Variants in EPSTI1 observed in about 807,000 individuals in gnomAD.
The protein encoded by EPSTI1 is epithelial-stromal interaction protein 1.
EPSTI1 carries 66 observed loss-of-function variants against 49.9 expected under a neutral mutation model. The observed-to-expected ratio is 1.32, with a 90% CI of 1.08 to 1.62. EPSTI1 has a LOEUF of 1.62. Among genes scored for constraint, EPSTI1 ranks in the 40% most tolerant of loss-of-function variants. The pLI, the probability that EPSTI1 is intolerant of heterozygous loss-of-function variation, is 0.00. For missense variants in EPSTI1, 394 were observed against 365.5 expected, an observed-to-expected ratio of 1.08 and a Z score of -0.64; for synonymous variants, 137 against 130.7, an observed-to-expected ratio of 1.05 and a Z score of -0.33.
At position 42,924,281 on chromosome 13, in the gene EPSTI1, C is replaced by A. The variant is rs557270468; in HGVS notation, c.657+2055G>T. ...GCTATTGCGTGGAGTTTATAAGGAACCGTCCTGGGTCCAATCTCCCTCCAT... is the reference window on the plus strand; with the variant it reads ...GCTATTGCGTGGAGTTTATAAGGAAACGTCCTGGGTCCAATCTCCCTCCAT... On this transcript the variant is annotated intron_variant, in intron 7 of 10. Coordinates refer to ENST00000313624, the MANE Select transcript of EPSTI1 (RefSeq NM_033255.5). Among the ~76,000 whole-genome samples, 18 of 152,298 alleles carry A rather than the reference C, an allele frequency of 1.2e-4. No individual in the cohort carries two copies. The East Asian group carries it at 3.5e-3, about 29-fold the overall frequency.
In EPSTI1 at chr13:42,963,239, TCCTC is replaced by T; in HGVS notation, c.489+12_489+15del. ...TTGTTGATCAGCAAATGTGAACTAA[TCCTC>T]CTCCTCCTTACCTTCTCTCTCTGAA... On this transcript the variant is annotated intron_variant, in intron 5 of 10. Coordinates refer to ENST00000313624, the MANE Select transcript of EPSTI1 (RefSeq NM_033255.5). 1 of 1,596,354 alleles carries T rather than the reference TCCTC, an allele frequency of 6.3e-7. No individual in the cohort carries two copies. Among genetic ancestry groups the T allele is most frequent in the Non-Finnish European group, 8.6e-7 (1 of 1,165,634 alleles).
chr13:42,985,919 A>G (rs149175235), intron 1 of EPSTI1, among the ~76,000 whole-genome samples: 22 of 152,302 alleles, frequency 1.4e-4, no homozygotes, highest in African/African-American at 4.6e-4. Flanking sequence ...CCCAGAACCC[A>G]TGGAAGAAAC....
At chr13:42,912,909 G>A (rs2037727563) in intron 8 of EPSTI1, among the ~76,000 whole-genome samples, 1 of 151,972 alleles carries the variant, frequency 6.6e-6, no homozygotes, top group South Asian at 2.1e-4. Flanking sequence ...AAGTCCATTT[G>A]ATAGATGTCC....
Position 42,990,827 on chromosome 13 carries a change from G to A in EPSTI1, c.188+1151C>T, listed in dbSNP as rs368520646. 2.8e-4 allele frequency among the ~76,000 whole-genome samples: 43 copies of A among 152,240 alleles called. 1 individual carries two copies. Among genetic ancestry groups the A allele is most frequent in the African/African-American group, 9.4e-4 (39 of 41,544 alleles). On this transcript the variant is annotated intron_variant, in intron 1 of 10. Coordinates refer to ENST00000313624, the MANE Select transcript of EPSTI1 (RefSeq NM_033255.5). ...GTTTGTCTTTCAGAGACTAGAAGTC[G>A]ATGAAAAAGGAGAGACTAAAAATAA... is the stretch of plus-strand genomic sequence containing the variant.
At chr13:42,941,511 G>A (rs868320071) in intron 6 of EPSTI1, among the ~76,000 whole-genome samples, 9 of 151,432 alleles carry the variant, frequency 5.9e-5, no homozygotes, top group Non-Finnish European at 1.2e-4. Context: ...GTCCCCCTAC[G>A]TGGGAGGCTG....
At position 42,895,107 on chromosome 13, in the gene EPSTI1, C is replaced by T. The variant is rs202033075; in HGVS notation, c.817G>A (p.Val273Ile). The stretch of plus-strand genomic sequence containing the variant: ...AGTCGGTCCAGAAAAGCATTATTTA[C>T]CCTTTAAAACAATGAAAAATGTGTG... ...AKIHQTEHRR[V>I]NNAFLDRLQG... The change falls in exon 10 of 11, where the codon GTA (valine) becomes ATA (isoleucine). Residue 273 changes from valine (V) to isoleucine (I), a missense_variant and splice_region_variant. Val to Ile is a conservative substitution (Grantham distance 29, BLOSUM62 3). Coordinates refer to ENST00000313624, the MANE Select transcript of EPSTI1 (RefSeq NM_033255.5). 117 of 1,607,120 alleles carry T rather than the reference C, an allele frequency of 7.3e-5. No homozygotes were observed. The highest frequency in any genetic ancestry group is 1.7e-4 in the Admixed American group (10 of 58,780).
intron 7 of EPSTI1, chr13:42,919,205 T>C: frequency 1.8e-6 from 2 of 1,115,302 alleles, no homozygotes; most frequent in Non-Finnish European, 2.7e-6. Context: ...TATTATTAAA[T>C]AAGGTGCCTT....
intron 6 of EPSTI1, among the ~76,000 whole-genome samples, chr13:42,951,974 T>A (rs1157868367): frequency 6.6e-6 from 1 of 152,216 alleles, no homozygotes; most frequent in African/African-American, 2.4e-5. Context: ...ACTCCGTAGC[T>A]AGGATTGTAA....
intron 1 of EPSTI1, among the ~76,000 whole-genome samples, chr13:42,984,400 T>G (rs767101415): frequency 6.6e-6 from 1 of 152,218 alleles, no homozygotes; most frequent in East Asian, 1.9e-4. Flanking sequence ...AGTTCTAATA[T>G]GCTCTAATAA....
chr13:42,938,550 TCTC>T, intron 6 of EPSTI1, among the ~76,000 whole-genome samples: 1 of 152,180 alleles, frequency 6.6e-6, no homozygotes, highest in East Asian at 1.9e-4. Context: ...GGTATTGACT[TCTC>T]CTGTCTAGCT....
intron 10 of EPSTI1, among the ~76,000 whole-genome samples, chr13:42,894,692 AAC>A (rs1313428098): frequency 7.5e-5 from 8 of 106,926 alleles, no homozygotes; most frequent in Non-Finnish European, 1.2e-4. Flanking sequence ...AAAAAAAAAA[AAC>A]GTTCATTTGT....
In EPSTI1 at chr13:42,922,719, T is replaced by C. The variant is rs762512505; in HGVS notation, c.657+3617A>G. ...GCAAAGGGACACATGTTAAGTACTT[T>C]ATTTGACTTCTTAATGAATGAGCAT... On this transcript the variant is annotated intron_variant, in intron 7 of 10. Coordinates refer to ENST00000313624, the MANE Select transcript of EPSTI1 (RefSeq NM_033255.5). The surrounding 1 kb of genome is among the most constrained non-coding windows in gnomAD (Gnocchi z 4.8). 6.6e-6 allele frequency among the ~76,000 whole-genome samples: 1 copy of C among 152,094 alleles called. No individual in the cohort carries two copies. Among genetic ancestry groups the C allele is most frequent in the Non-Finnish European group, 1.5e-5 (1 of 68,014 alleles).
At chr13:42,915,667 G>A (rs1053320758) in intron 8 of EPSTI1, among the ~76,000 whole-genome samples, 2 of 152,210 alleles carry the variant, frequency 1.3e-5, no homozygotes, top group East Asian at 3.9e-4. Flanking sequence ...CCCTAAGGAT[G>A]GAATTATTTG....
chr13:42,976,269 G>T (rs376682694), intron 1 of EPSTI1, among the ~76,000 whole-genome samples: 11 of 152,214 alleles, frequency 7.2e-5, no homozygotes, highest in African/African-American at 2.7e-4. Context: ...CATTGCAGCT[G>T]ATAAAATCCT....
intron 7 of EPSTI1, among the ~76,000 whole-genome samples, chr13:42,920,060 G>A (rs552070677): frequency 2.6e-5 from 4 of 152,108 alleles, no homozygotes; most frequent in South Asian, 2.1e-4. Context: ...TCTGTGTCCC[G>A]ATTTCCCCTT....
At chr13:42,967,893 C>A (rs2153432608) in intron 3 of EPSTI1, among the ~76,000 whole-genome samples, 1 of 152,298 alleles carries the variant, frequency 6.6e-6, no homozygotes, top group East Asian at 1.9e-4. Flanking sequence ...AAAGTCCAGC[C>A]ACACCCTGTT....
At chr13:42,952,361 G>A (rs2039125971) in intron 6 of EPSTI1, among the ~76,000 whole-genome samples, 1 of 152,266 alleles carries the variant, frequency 6.6e-6, no homozygotes, top group South Asian at 2.1e-4. Context: ...TTCTTGAAGT[G>A]AGCGAGTCCA....
rs1425975230 is a variant in EPSTI1 at position 42,905,898 on chromosome 13, CAT to C, written c.742-5517_742-5516del. On this transcript the variant is annotated intron_variant, in intron 8 of 10. Coordinates refer to ENST00000313624, the MANE Select transcript of EPSTI1 (RefSeq NM_033255.5). ...GTGTTCAACACTTTGTGTTTGTGCA[CAT>C]CTTATCACTGTGCTATGCAAATCTC... Among the ~76,000 whole-genome samples the C allele has an allele frequency of 2.6e-5, 4 of 152,338 alleles. No homozygotes were observed. The South Asian group carries it at 8.3e-4, about 32-fold the overall frequency.
intron 10 of EPSTI1, among the ~76,000 whole-genome samples, chr13:42,893,514 A>G (rs1313030218): frequency 2.0e-5 from 3 of 152,182 alleles, no homozygotes; most frequent in Non-Finnish European, 1.5e-5. Context: ...AATTTCACCC[A>G]ATCAGCCTCA....
Sources: allele counts gnomAD v4.1 joint callset (sites outside exome capture counted in the v4.1 genomes callset), GRCh38; gene constraint gnomAD v4.1.1; non-coding constraint Gnocchi (gnomAD v3.1); transcripts MANE v1.5; gene names NCBI Gene and HGNC (gene_info 2026-07-23, HGNC 2026-07-21).